Variants in RBBP4 observed in about 807,000 individuals in gnomAD.
RBBP4 encodes histone-binding protein RBBP4.
A neutral mutation model predicts 57.2 loss-of-function variants in RBBP4; 3 were observed. The ratio of observed to expected loss-of-function variants is 0.05; its 90% confidence interval spans 0.02 to 0.14. RBBP4 has a LOEUF of 0.14. Among genes scored for constraint, RBBP4 ranks in the 10% least tolerant of loss-of-function variants. RBBP4 has a pLI of 1.00. For synonymous variants in RBBP4, 151 were observed against 171.5 expected (o/e 0.88, Z 0.93); for missense variants, 107 against 520.6 (o/e 0.21, Z 7.73).
At chr1:32,675,175 C>A (rs1328892575) in intron 11 of RBBP4, among the ~76,000 whole-genome samples, 3 of 151,986 alleles carry the variant, frequency 2.0e-5, no homozygotes, top group Admixed American at 6.6e-5. Flanking sequence ...AGATTACAGG[C>A]ATGCGCCACC....
chr1:32,652,731 G>C (rs1164367782), intron 2 of RBBP4, among the ~76,000 whole-genome samples: 1 of 152,086 alleles, frequency 6.6e-6, no homozygotes, highest in Non-Finnish European at 1.5e-5. Context: ...TTTTAGTAGA[G>C]ACGGGGTTTT....
intron 3 of RBBP4, among the ~76,000 whole-genome samples, chr1:32,666,662 C>G (rs1053399906): frequency 6.6e-6 from 1 of 152,130 alleles, no homozygotes; most frequent in Middle Eastern, 3.4e-3. Context: ...TGGCTGAAAA[C>G]TTTATTAAGA....
chr1:32,670,519 A>T (rs620713), intron 8 of RBBP4, among the ~76,000 whole-genome samples: 1 of 152,168 alleles, frequency 6.6e-6, no homozygotes, highest in Non-Finnish European at 1.5e-5. Flanking sequence ...GGCACTATGA[A>T]AGATTACGTT....
chr1:32,651,510 C>G, intron 1 of RBBP4, 188 bp downstream of exon 1: 1 of 1,344,244 alleles, frequency 7.4e-7, no homozygotes, highest in Non-Finnish European at 9.6e-7. Flanking sequence ...ATTTCGGTCG[C>G]AGCTGGCGAA....
intron 3 of RBBP4, 138 bp downstream of exon 3, chr1:32,657,710 A>T (rs918404254): frequency 1.3e-5 from 13 of 969,496 alleles, no homozygotes; most frequent in African/African-American, 1.7e-5. Context: ...AGGTATTTAT[A>T]TTTATATTAG....
chr1:32,679,929 T>G lies in RBBP4; in HGVS notation c.*224T>G. 1 of 1,300,396 alleles carries G rather than the reference T, an allele frequency of 7.7e-7. No homozygotes were observed. The highest frequency in any genetic ancestry group is 9.7e-7 in the Non-Finnish European group (1 of 1,027,806). 80.6% of individuals were successfully genotyped at this position (1,300,396 alleles called of 1,614,324 possible). On this transcript the variant is annotated 3_prime_UTR_variant, in exon 12 of 12. Transcript: ENST00000373493. ...ACGTTGAAATTTTCTTCAGGAATTT[T>G]CTAGTAACCCAGGTCTAAAGTAGCT...
At chr1:32,654,851 G>A (rs1220842164) in intron 2 of RBBP4, among the ~76,000 whole-genome samples, 2 of 151,904 alleles carry the variant, frequency 1.3e-5, no homozygotes, top group Non-Finnish European at 2.9e-5. Context: ...CCGCCACCAC[G>A]CCCAGCTAAT....
intron 2 of RBBP4, among the ~76,000 whole-genome samples, chr1:32,655,983 A>T (rs1191708195): frequency 6.6e-6 from 1 of 152,116 alleles, no homozygotes; most frequent in East Asian, 1.9e-4. Context: ...TGCGTTTCTA[A>T]CAAGTTCCCA....
chr1:32,673,169 T>G (rs1648946720), intron 11 of RBBP4, among the ~76,000 whole-genome samples: 1 of 152,214 alleles, frequency 6.6e-6, no homozygotes, highest in Admixed American at 6.5e-5. Flanking sequence ...TCTTTTTGTA[T>G]GACTCCAACA....
Position 32,679,735 on chromosome 1 carries a change from TCCC to T in RBBP4, c.*32_*34del. 6.2e-7 allele frequency: 1 copy of T among 1,611,856 alleles called. No individual in the cohort carries two copies. The highest frequency in any genetic ancestry group is 1.1e-5 in the South Asian group (1 of 90,740). On this transcript the variant is annotated 3_prime_UTR_variant, in exon 12 of 12. Coordinates refer to ENST00000373493, the MANE Select transcript of RBBP4 (RefSeq NM_005610.3). Reference sequence around the variant, plus strand: ...GTCTTTACTTGTTGTGATTTTAGACTCCCCTTTTTTCTTCTCAACCCTGAGAGT... The same window carrying T: ...GTCTTTACTTGTTGTGATTTTAGACTCTTTTTTCTTCTCAACCCTGAGAGT...
chr1:32,668,406 C>T lies in RBBP4; in HGVS notation c.484+8C>T. 6.4e-7 allele frequency: 1 copy of T among 1,570,474 alleles called. No homozygotes were observed. The highest frequency in any genetic ancestry group is 8.7e-7 in the Non-Finnish European group (1 of 1,144,814). ...AACATCCTTCTAAACCAGGTATGTG[C>T]CCTTTTCTATTCAAATACAAATGAG... On this transcript the variant is annotated splice_region_variant and intron_variant, in intron 4 of 11. Transcript: ENST00000373493.
At chr1:32,677,825 C>A (rs1381205460) in intron 11 of RBBP4, among the ~76,000 whole-genome samples, 1 of 152,142 alleles carries the variant, frequency 6.6e-6, no homozygotes, top group African/African-American at 2.4e-5. Context: ...AGATCACAAG[C>A]TCTTTGAAGG....
chr1:32,663,126 T>A (rs1648494929), intron 3 of RBBP4, among the ~76,000 whole-genome samples: 1 of 152,184 alleles, frequency 6.6e-6, no homozygotes, highest in Non-Finnish European at 1.5e-5. Flanking sequence ...GGCTCAGTGG[T>A]AAAAATCACT....
At chr1:32,678,741 C>T (rs1649238858) in intron 11 of RBBP4, among the ~76,000 whole-genome samples, 1 of 151,420 alleles carries the variant, frequency 6.6e-6, no homozygotes, top group Non-Finnish European at 1.5e-5. Context: ...AGGGGTGCAC[C>T]CCCACACATG....
At position 32,685,558 on chromosome 1, in the gene RBBP4, T is replaced by G. The variant is rs1649764862; in HGVS notation, c.*5853T>G. On this transcript the variant is annotated 3_prime_UTR_variant, in exon 12 of 12. Transcript: ENST00000373493. ...TCTGAGTCATACTTGACATTGTACC[T>G]GTGGCACATCAATCCGCACTGTTTG... 6.6e-6 allele frequency: 1 copy of G among 152,250 alleles called. No individual in the cohort carries two copies. Among genetic ancestry groups the G allele is most frequent in the African/African-American group, 2.4e-5 (1 of 41,464 alleles). The allele number at this position is 152,250 out of a possible 1,614,324, so 9.4% of individuals were successfully genotyped here.
intron 3 of RBBP4, among the ~76,000 whole-genome samples, chr1:32,664,605 A>G (rs1429954331): frequency 6.6e-6 from 1 of 152,122 alleles, no homozygotes; most frequent in Non-Finnish European, 1.5e-5. Context: ...GGCACGTGCC[A>G]CCATGCCCAG....
At chr1:32,659,431 G>A (rs1233781018) in intron 3 of RBBP4, among the ~76,000 whole-genome samples, 3 of 151,382 alleles carry the variant, frequency 2.0e-5, no homozygotes, top group East Asian at 3.9e-4. Flanking sequence ...GCAGTGGCAC[G>A]CACCTGTAAT....
rs1019575903 is a variant in RBBP4 at position 32,685,768 on chromosome 1, T to G, written c.*6063T>G. On this transcript the variant is annotated 3_prime_UTR_variant, in exon 12 of 12. Transcript: ENST00000373493. ...AAAGTACATGCTTGGAAAAGCAGTC[T>G]GCACCACCAGTGATAAGCTGTGACA... 2.0e-5 allele frequency: 3 copies of G among 152,262 alleles called. No individual in the cohort carries two copies. Among genetic ancestry groups the G allele is most frequent in the Non-Finnish European group, 2.9e-5 (2 of 68,062 alleles). The allele number at this position is 152,262 out of a possible 1,614,324, so 9.4% of individuals were successfully genotyped here.
At chr1:32,664,132 G>T (rs1648545252) in intron 3 of RBBP4, among the ~76,000 whole-genome samples, 1 of 152,052 alleles carries the variant, frequency 6.6e-6, no homozygotes, top group Non-Finnish European at 1.5e-5. Context: ...GTTTTACCGT[G>T]TTAGCCAGCA....
Sources: allele counts gnomAD v4.1 joint callset (sites outside exome capture counted in the v4.1 genomes callset), GRCh38; gene constraint gnomAD v4.1.1; transcripts MANE v1.5; gene names NCBI Gene and HGNC (gene_info 2026-07-23, HGNC 2026-07-21).